Variants in PDIA2 observed in about 807,000 individuals in gnomAD.
PDIA2 encodes protein disulfide isomerase family A member 2.
Under a neutral mutation model 51.1 loss-of-function variants are expected in PDIA2, and 76 were observed. That is an observed-to-expected ratio of 1.49 (90% confidence interval 1.24 to 1.80). The LOEUF is 1.80. Ranked by LOEUF, PDIA2 falls within the 40% of genes most tolerant of loss-of-function variation. The pLI is 0.00. For missense variants in PDIA2, 946 were observed against 706.5 expected, an observed-to-expected ratio of 1.34 and a Z score of -3.84; for synonymous variants, 429 against 309.9, an observed-to-expected ratio of 1.38 and a Z score of -4.04.
In PDIA2 at chr16:286,913, G is replaced by T. The variant is rs752407010; in HGVS notation, c.1501G>T (p.Glu501Ter). ...CAACGGGGGCGTGCTGCCCACGGAG[G>T]AGCCCCCGGAGGAGCCAGCAGCCCC... ...LDNGGVLPTEEPPEEPAAPFP... is the reference protein window; with the variant it reads ...LDNGGVLPTE The change falls in exon 10 of 11, where the codon GAG becomes TAG. Residue 501 changes from glutamate (E) to a stop codon, truncating the protein, a stop_gained. Transcript: ENST00000219406. LOFTEE classifies it low-confidence loss of function (END_TRUNC). 1.1e-5 allele frequency: 18 copies of T among 1,600,154 alleles called. No individual in the cohort carries two copies. The South Asian group carries it at 1.9e-4, about 17-fold the overall frequency.
At position 285,081 on chromosome 16, in the gene PDIA2, C is replaced by T. The variant is rs755920246; in HGVS notation, c.679-3C>T. On this transcript the variant is annotated splice_polypyrimidine_tract_variant and splice_region_variant and intron_variant, in intron 4 of 10. Transcript: ENST00000219406. Reference sequence around the variant, plus strand: ...GCCCGCTAACCCACCTGCTGCTGTCCAGTTTGATGAGGGGCGGGCAGACTT... The same window carrying T: ...GCCCGCTAACCCACCTGCTGCTGTCTAGTTTGATGAGGGGCGGGCAGACTT... The T allele has an allele frequency of 1.4e-5, 22 of 1,612,914 alleles. No individual in the cohort carries two copies. In the East Asian group the frequency reaches 4.2e-4, roughly 31 times the overall value.
rs540057615 is a variant in PDIA2, at chr16:286,395, C to G, written c.1162C>G (p.Arg388Gly). ...SQEIPPDWDQ[R>G]PVKTLVGKNF... is the part of the protein sequence containing the mutation. ...GGAGATACCCCCTGATTGGGATCAG[C>G]GGCCAGTTAAGACCCTCGTGGGCAA... Residue 388 changes from arginine to glycine, a missense_variant, in exon 8 of 11, where the codon CGG becomes GGG. Transcript: ENST00000219406. The G allele has an allele frequency of 6.2e-7, 1 of 1,611,098 alleles. No homozygotes were observed. Among genetic ancestry groups the G allele is most frequent in the Non-Finnish European group, 8.5e-7 (1 of 1,179,548 alleles).
intron 1 of PDIA2, among the ~76,000 whole-genome samples, chr16:283,933 C>T (rs59466185): frequency 0.013 from 1,912 of 152,286 alleles, 19 homozygotes; most frequent in East Asian, 0.04. Context: ...GGCCCTATCT[C>T]GGCTCACTGC....
rs2685127 is a variant in PDIA2, at chr16:285,373, C to T, written c.857C>T (p.Thr286Met). The T allele has an allele frequency of 0.11, 182,167 of 1,612,320 alleles. 11,688 individuals carry two copies. The highest frequency in any genetic ancestry group is 0.16 in the African/African-American group (12,012 of 74,842). ...CACCTGCTGCTGTTTGTCAACCAGA[C>T]GCTGGCTGCGCACCGGGAGCTCCTA... is the stretch of plus-strand genomic sequence containing the variant. The part of the protein sequence containing the change: ...LNHLLLFVNQ[T>M]LAAHRELLAG... The change falls in exon 6 of 11, where the codon ACG becomes ATG. Residue 286 changes from threonine to methionine, a missense_variant. Thr to Met is a moderately conservative substitution (Grantham distance 81). Transcript: ENST00000219406.
In PDIA2 at chr16:285,497, C is replaced by T. The variant is rs754447371; in HGVS notation, c.922-9C>T. The T allele has an allele frequency of 3.7e-6, 6 of 1,612,698 alleles. No homozygotes were observed. Among genetic ancestry groups the T allele is most frequent in the Non-Finnish European group, 3.4e-6 (4 of 1,179,872 alleles). ...AGTGGCCGGTGCCAGCATGGACTCC[C>T]TGCCACAGGTGCTGTTCGTGGTGGT... On this transcript the variant is annotated splice_polypyrimidine_tract_variant and intron_variant, in intron 6 of 10. Coordinates refer to ENST00000219406, the MANE Select transcript of PDIA2 (RefSeq NM_006849.4).
At position 286,905 on chromosome 16, in the gene PDIA2, C is replaced by T; in HGVS notation, c.1493C>T (p.Pro498Leu). The change falls in exon 10 of 11, where the codon CCC (proline) becomes CTC (leucine). Residue 498 changes from proline (P) to leucine (L), a missense_variant. Pro to Leu is a moderately conservative substitution (Grantham distance 98). Transcript: ENST00000219406. The part of the protein sequence containing the change: ...SKFLDNGGVL[P>L]TEEPPEEPAA... ...TTCCTGGACAACGGGGGCGTGCTGC[C>T]CACGGAGGAGCCCCCGGAGGAGCCA... is the stretch of plus-strand genomic sequence containing the variant. 1.2e-6 allele frequency: 2 copies of T among 1,602,164 alleles called. No homozygotes were observed. Among genetic ancestry groups the T allele is most frequent in the Non-Finnish European group, 1.7e-6 (2 of 1,176,166 alleles).
In PDIA2 at chr16:286,383, G is replaced by C. The variant is rs2052379666; in HGVS notation, c.1150G>C (p.Asp384His). The change falls in exon 8 of 11, where the codon GAT (aspartate) becomes CAT (histidine). Residue 384 changes from aspartate (D) to histidine (H), a missense_variant. Coordinates refer to ENST00000219406, the MANE Select transcript of PDIA2 (RefSeq NM_006849.4). Reference sequence around the variant, plus strand: ...TCTCCTGAGCCAGGAGATACCCCCTGATTGGGATCAGCGGCCAGTTAAGAC... The same window carrying C: ...TCTCCTGAGCCAGGAGATACCCCCTCATTGGGATCAGCGGCCAGTTAAGAC... ...PYLLSQEIPP[D>H]WDQRPVKTLV... 6.2e-7 allele frequency: 1 copy of C among 1,609,358 alleles called. No individual in the cohort carries two copies. Among genetic ancestry groups the C allele is most frequent in the Admixed American group, 1.7e-5 (1 of 59,576 alleles).
Position 284,599 on chromosome 16 carries a change from G to A in PDIA2, c.406+6G>A, listed in dbSNP as rs547155903. The A allele has an allele frequency of 4.3e-6, 7 of 1,609,446 alleles. No individual in the cohort carries two copies. The highest frequency in any genetic ancestry group is 2.2e-5 in the East Asian group (1 of 44,834). The stretch of plus-strand genomic sequence containing the variant: ...GCACCCGGAGGAGTACACAGGTGAG[G>A]GGCAGGCCGGTCATTGGGGGGGCGG... On this transcript the variant is annotated splice_donor_region_variant and intron_variant, in intron 2 of 10. Transcript: ENST00000219406.
At chr16:285,871 G>A (rs867142437) in intron 7 of PDIA2, among the ~76,000 whole-genome samples, 168 bp downstream of exon 7, 14 of 44,426 alleles carry the variant, frequency 3.2e-4, no homozygotes, top group African/African-American at 1.8e-3. Flanking sequence ...ACCCCAACCC[G>A]GCGGTTCTCC....
In PDIA2 at chr16:285,486, G is replaced by A. The variant is rs374062869; in HGVS notation, c.922-20G>A. On this transcript the variant is annotated intron_variant, in intron 6 of 10. Transcript: ENST00000219406. The stretch of plus-strand genomic sequence containing the variant: ...GGCAGCGGGAGAGTGGCCGGTGCCA[G>A]CATGGACTCCCTGCCACAGGTGCTG... 1.2e-6 allele frequency: 2 copies of A among 1,612,428 alleles called. No individual in the cohort carries two copies. The highest frequency in any genetic ancestry group is 1.3e-5 in the African/African-American group (1 of 75,006).
In PDIA2 at chr16:285,273, G is replaced by A. The variant is rs367857322; in HGVS notation, c.796-39G>A. On this transcript the variant is annotated intron_variant, in intron 5 of 10. Transcript: ENST00000219406. ...GTCCAGGGATGGGGGTGCCTAGGCT[G>A]GGGGTCCTGTGGAGTCATGAGCACC... is the stretch of plus-strand genomic sequence containing the variant. 3.1e-6 allele frequency: 5 copies of A among 1,611,882 alleles called. No individual in the cohort carries two copies. The African/African-American group carries it at 5.3e-5, about 17-fold the overall frequency.
intron 1 of PDIA2, among the ~76,000 whole-genome samples, chr16:283,613 G>T (rs1484437926): frequency 6.6e-6 from 1 of 152,218 alleles, no homozygotes; most frequent in Non-Finnish European, 1.5e-5. Flanking sequence ...TCCCTGCTCG[G>T]CCAGCGGCCA....
In PDIA2 at chr16:285,520, G is replaced by C; in HGVS notation, c.936G>C (p.Val312=). 1 of 1,613,016 alleles carries C rather than the reference G, an allele frequency of 6.2e-7. No individual in the cohort carries two copies. Among genetic ancestry groups the C allele is most frequent in the Admixed American group, 1.7e-5 (1 of 60,016 alleles). ...PRFRGQVLFV[V]VDVAADNEHV... ...CCCTGCCACAGGTGCTGTTCGTGGT[G>C]GTGGACGTGGCGGCCGACAATGAGC... Residue 312 remains valine, a synonymous_variant, in exon 7 of 11, where the codon GTG becomes GTC. Coordinates refer to ENST00000219406, the MANE Select transcript of PDIA2 (RefSeq NM_006849.4).
At chr16:284,242 G>A (rs951159012) in intron 1 of PDIA2, 145 bp from the exon 2 acceptor site, 35 of 814,138 alleles carry the variant, frequency 4.3e-5, no homozygotes, top group Admixed American at 1.5e-4. Flanking sequence ...GGGGGGCCAC[G>A]AAGAGGCACT....
rs1305020712 is a variant in PDIA2 at position 285,093 on chromosome 16, G to A, written c.688G>A (p.Gly230Arg). The A allele has an allele frequency of 1.2e-6, 2 of 1,612,948 alleles. No individual in the cohort carries two copies. The highest frequency in any genetic ancestry group is 1.7e-6 in the Non-Finnish European group (2 of 1,180,018). The change falls in exon 5 of 11, where the codon GGG becomes AGG. Residue 230 changes from glycine (G) to arginine (R), a missense_variant. Gly to Arg is a moderately radical substitution (Grantham distance 125, BLOSUM62 -2). Transcript: ENST00000219406. ...TVVLFKKFDE[G>R]RADFPVDEEL... ...ACCTGCTGCTGTCCAGTTTGATGAGGGGCGGGCAGACTTCCCCGTGGACGA... is the reference window on the plus strand; with the variant it reads ...ACCTGCTGCTGTCCAGTTTGATGAGAGGCGGGCAGACTTCCCCGTGGACGA...
intron 5 of PDIA2, 25 bp downstream of exon 5, chr16:285,225 T>A (rs768841285): frequency 1.2e-6 from 2 of 1,612,672 alleles, no homozygotes; most frequent in South Asian, 2.2e-5. Flanking sequence ...GTGCCTGGGC[T>A]GGGGGTGTCC....
Position 286,869 on chromosome 16 carries a change from CTT to C in PDIA2, c.1459_1460del (p.Phe487LeufsTer69). 1.9e-6 allele frequency: 3 copies of C among 1,607,988 alleles called. No homozygotes were observed. The highest frequency in any genetic ancestry group is 2.5e-6 in the Non-Finnish European group (3 of 1,178,254). ...TACAAAAGCACCAGGGACCTGGAGA[CTT>C]TCTCCAAGTTCCTGGACAACGGGGG... On this transcript the variant is annotated frameshift_variant, in exon 10 of 11. Transcript: ENST00000219406. LOFTEE classifies it high-confidence loss of function.
chr16:285,628 GCCTGTGGATGGGGGC>G lies in PDIA2; in HGVS notation c.1050_1064del (p.Asp351_Val355del). 6.2e-7 allele frequency: 1 copy of G among 1,613,382 alleles called. No homozygotes were observed. The highest frequency in any genetic ancestry group is 8.5e-7 in the Non-Finnish European group (1 of 1,179,970). On this transcript the variant is annotated inframe_deletion, in exon 7 of 11. Transcript: ENST00000219406. ...ACCTTGAAACCACTAAGAAGTATGC[GCCTGTGGATGGGGGC>G]CCTGTCACCGCAGCGTCCATCACTG... is the stretch of plus-strand genomic sequence containing the variant.
chr16:286,635 T>G lies in PDIA2; in HGVS notation c.1322T>G (p.Ile441Ser). Residue 441 changes from isoleucine (I) to serine (S), a missense_variant, in exon 9 of 11, where the codon ATC becomes AGC. Physicochemically the swap from Ile to Ser is moderately radical, Grantham distance 142. Coordinates refer to ENST00000219406, the MANE Select transcript of PDIA2 (RefSeq NM_006849.4). ...GAGAAGTACCAAGACCACGAGGACA[T>G]CATCATTGCTGAGCTGGATGCCACG... ...LAEKYQDHEDIIIAELDATAN... is the reference protein window; with the variant it reads ...LAEKYQDHEDSIIAELDATAN... 2 of 1,612,522 alleles carry G rather than the reference T, an allele frequency of 1.2e-6. No homozygotes were observed. Among genetic ancestry groups the G allele is most frequent in the South Asian group, 1.1e-5 (1 of 90,864 alleles).
Sources: allele counts gnomAD v4.1 joint callset (sites outside exome capture counted in the v4.1 genomes callset), GRCh38; gene constraint gnomAD v4.1.1; transcripts MANE v1.5; gene names NCBI Gene and HGNC (gene_info 2026-07-23, HGNC 2026-07-21).